The following ZNF618 variants were observed in gnomAD, a reference collection of about 807,000 sequenced individuals.
ZNF618 encodes zinc finger protein 618, also known as neural precursor cell expressed, developmentally down-regulated 10.
ZNF618 carries 34 observed loss-of-function variants against 103.0 expected under a neutral mutation model. That is an observed-to-expected ratio of 0.33 (90% CI 0.25 to 0.44). The LOEUF is 0.44. Among genes scored for constraint, ZNF618 ranks in the 20% least tolerant of loss-of-function variants. ZNF618 has a pLI of 1.00. For synonymous variants in ZNF618, 551 were observed against 542.2 expected (o/e 1.02, Z -0.23); for missense variants, 1,059 against 1,295.4 (o/e 0.82, Z 2.80).
chr9:113,901,406 C>G (rs1326493385), intron 1 of ZNF618, among the ~76,000 whole-genome samples: 5 of 152,242 alleles, frequency 3.3e-5, no homozygotes, highest in Admixed American at 6.5e-5. Flanking sequence ...CAGACACTTG[C>G]AGGGAACTGC....
At chr9:113,957,921 T>C (rs1836466125) in intron 1 of ZNF618, among the ~76,000 whole-genome samples, 1 of 152,066 alleles carries the variant, frequency 6.6e-6, no homozygotes, top group Non-Finnish European at 1.5e-5. Flanking sequence ...GGACATGGTT[T>C]ATGGCTGATC....
chr9:114,042,231 C>T (rs1398802878), intron 13 of ZNF618, among the ~76,000 whole-genome samples: 1 of 152,162 alleles, frequency 6.6e-6, no homozygotes, highest in Non-Finnish European at 1.5e-5. Context: ...TCGCTGTTAC[C>T]AACTTAATAG....
intron 2 of ZNF618, among the ~76,000 whole-genome samples, chr9:113,980,087 G>T (rs959689094): frequency 6.6e-6 from 1 of 152,176 alleles, no homozygotes; most frequent in African/African-American, 2.4e-5. Flanking sequence ...TATATTCATA[G>T]TCGGGAGTGA....
At chr9:113,910,551 T>C (rs1300514362) in intron 1 of ZNF618, among the ~76,000 whole-genome samples, 1 of 152,216 alleles carries the variant, frequency 6.6e-6, no homozygotes, top group Non-Finnish European at 1.5e-5. Context: ...TTCATGGGCA[T>C]GCATTTATTT....
chr9:113,972,736 T>A (rs1253735869), intron 2 of ZNF618, among the ~76,000 whole-genome samples: 3 of 152,162 alleles, frequency 2.0e-5, no homozygotes, highest in African/African-American at 7.2e-5. Flanking sequence ...TGACTTGATG[T>A]TCAGTCTGAG....
intron 1 of ZNF618, among the ~76,000 whole-genome samples, chr9:113,912,867 A>G (rs1024418406): frequency 1.3e-5 from 2 of 152,036 alleles, no homozygotes; most frequent in African/African-American, 2.4e-5. Context: ...ACATCCCTTT[A>G]GCAACAGTTA....
intron 1 of ZNF618, among the ~76,000 whole-genome samples, chr9:113,908,923 C>T (rs187230411): frequency 1.9e-4 from 29 of 151,842 alleles, no homozygotes; most frequent in Middle Eastern, 3.4e-3. Context: ...CTTCTGGGGA[C>T]GGTGATTTCA....
At chr9:113,959,688 A>ACCT (rs1836659787) in intron 1 of ZNF618, among the ~76,000 whole-genome samples, 1 of 151,968 alleles carries the variant, frequency 6.6e-6, no homozygotes, top group African/African-American at 2.4e-5. Flanking sequence ...GCTCACTGCA[A>ACCT]CCTCCGCCTC....
intron 2 of ZNF618, among the ~76,000 whole-genome samples, chr9:113,975,022 G>A (rs76816031): frequency 0.013 from 2,034 of 152,272 alleles, 39 homozygotes; most frequent in African/African-American, 0.047. Context: ...CTAGTTCAAA[G>A]CAGGTGCTCA....
chr9:113,945,517 T>C (rs1834938770), intron 1 of ZNF618, among the ~76,000 whole-genome samples: 1 of 152,238 alleles, frequency 6.6e-6, no homozygotes, highest in Admixed American at 6.5e-5. Context: ...GCCTGTATAG[T>C]GGCTGCAGAA....
chr9:113,976,495 A>G (rs1838481423), intron 2 of ZNF618, among the ~76,000 whole-genome samples: 2 of 152,312 alleles, frequency 1.3e-5, no homozygotes. Context: ...CTCTGCTGAC[A>G]AAAGAGAACA....
Position 114,049,019 on chromosome 9 carries a change from G to A in ZNF618, c.1717G>A (p.Gly573Ser), listed in dbSNP as rs981716007. The A allele has an allele frequency of 1.2e-6, 2 of 1,613,256 alleles. No homozygotes were observed. Among genetic ancestry groups the A allele is most frequent in the African/African-American group, 1.3e-5 (1 of 74,930 alleles). The change falls in exon 15 of 15, where the codon GGC becomes AGC. Residue 573 changes from glycine to serine, a missense_variant. Around this residue, in one of 6 missense-constraint regions of ZNF618, gnomAD observed 272 missense variants for 380.1 expected, o/e 0.72. Transcript: ENST00000374126. Reference sequence around the variant, plus strand: ...CATCCTCACAGCCTACCAGGCCGAGGGCAACCACATCAAGAGCTATGTGCT... The same window carrying A: ...CATCCTCACAGCCTACCAGGCCGAGAGCAACCACATCAAGAGCTATGTGCT... ...CYILTAYQAE[G>S]NHIKSYVLGV...
At chr9:113,898,759 C>T (rs1035415489) in intron 1 of ZNF618, among the ~76,000 whole-genome samples, 2 of 152,158 alleles carry the variant, frequency 1.3e-5, no homozygotes, top group East Asian at 1.9e-4. Flanking sequence ...TATAGATCAG[C>T]GATGCAGCAG....
intron 1 of ZNF618, among the ~76,000 whole-genome samples, chr9:113,910,539 T>G (rs1564159277): frequency 6.6e-6 from 1 of 152,192 alleles, no homozygotes; most frequent in Non-Finnish European, 1.5e-5. Context: ...GTGAAGGACG[T>G]CTTCATGGGC....
rs1033963609 is a variant in ZNF618, at chr9:114,052,948, T to G, written c.*2781T>G. Reference sequence around the variant, plus strand: ...CCACCTCAATTCAATACTTAGGGGTTGGCTTGCCTCTGCAGGTTTGATGTG... The same window carrying G: ...CCACCTCAATTCAATACTTAGGGGTGGGCTTGCCTCTGCAGGTTTGATGTG... On this transcript the variant is annotated 3_prime_UTR_variant, in exon 15 of 15. Coordinates refer to ENST00000374126, the MANE Select transcript of ZNF618 (RefSeq NM_001318042.2). 7 of 152,240 alleles carry G rather than the reference T, an allele frequency of 4.6e-5. No homozygotes were observed. The highest frequency in any genetic ancestry group is 1.7e-4 in the African/African-American group (7 of 41,450). 9.4% of individuals were successfully genotyped at this position (152,240 alleles called of 1,614,324 possible).
intron 1 of ZNF618, among the ~76,000 whole-genome samples, chr9:113,964,273 G>A (rs182613552): frequency 2.6e-5 from 4 of 152,302 alleles, no homozygotes; most frequent in East Asian, 3.9e-4. Context: ...TTCATTCTTC[G>A]AGATCAGGCA....
intron 1 of ZNF618, among the ~76,000 whole-genome samples, chr9:113,912,180 T>G (rs1588019277): frequency 6.6e-6 from 1 of 151,884 alleles, no homozygotes; most frequent in Non-Finnish European, 1.5e-5. Context: ...TGGTGAGGAG[T>G]GGCCATTTCC....
intron 1 of ZNF618, among the ~76,000 whole-genome samples, chr9:113,923,488 G>A (rs1832821778): frequency 6.6e-6 from 1 of 152,082 alleles, no homozygotes; most frequent in East Asian, 1.9e-4. Context: ...CTTGCTAAGA[G>A]TTTTTATTAT....
At chr9:113,914,027 A>G (rs984616778) in intron 1 of ZNF618, among the ~76,000 whole-genome samples, 2 of 152,024 alleles carry the variant, frequency 1.3e-5, no homozygotes, top group Admixed American at 1.3e-4. Context: ...AAATAGATGA[A>G]TTTTGTTTAT....
Sources: allele counts gnomAD v4.1 joint callset (sites outside exome capture counted in the v4.1 genomes callset), GRCh38; gene constraint gnomAD v4.1.1; regional missense constraint gnomAD v4.1.1; transcripts MANE v1.5; gene names NCBI Gene and HGNC (gene_info 2026-07-23, HGNC 2026-07-21).